SEMA5B: variants seen among roughly 807,000 people sequenced by gnomAD.
SEMA5B encodes semaphorin-5B.
A neutral mutation model predicts 135.0 loss-of-function variants in SEMA5B; 66 were observed. The ratio of observed to expected loss-of-function variants is 0.49; its 90% confidence interval spans 0.40 to 0.60. SEMA5B has a LOEUF of 0.60. Ranked by LOEUF, SEMA5B falls within the 20% of genes least tolerant of loss-of-function variation. The pLI, the probability that SEMA5B is intolerant of heterozygous loss-of-function variation, is 0.00. For synonymous variants in SEMA5B, 690 were observed against 639.5 expected (o/e 1.08, Z -1.19); for missense variants, 1,501 against 1,566.3 (o/e 0.96, Z 0.70).
intron 1 of SEMA5B, among the ~76,000 whole-genome samples, chr3:122,991,964 C>G (rs549167418): frequency 6.6e-6 from 1 of 152,238 alleles, no homozygotes; most frequent in Admixed American, 6.5e-5. Flanking sequence ...GCTGAGAACC[C>G]GTTACGGATA....
chr3:123,014,952 G>C (rs1348428952), intron 1 of SEMA5B, among the ~76,000 whole-genome samples: 4 of 152,202 alleles, frequency 2.6e-5, no homozygotes, highest in Admixed American at 2.6e-4. Context: ...AACCCAATAT[G>C]ACTGGTGTCC....
intron 9 of SEMA5B, among the ~76,000 whole-genome samples, chr3:122,924,564 A>T (rs1938530652): frequency 6.6e-6 from 1 of 151,850 alleles, no homozygotes. Flanking sequence ...CCTGTCAATA[A>T]TTTCTCCTTG....
chr3:122,912,902 C>T lies in SEMA5B; in HGVS notation c.2666G>A (p.Gly889Asp). Residue 889 changes from glycine to aspartate, a missense_variant, in exon 18 of 23, where the codon GGC becomes GAC. This residue lies in a region of SEMA5B where 927 missense variants were observed against 881.6 expected (regional missense o/e 1.05). Transcript: ENST00000357599. ...TCTNPEPRNG[G>D]LPCVGDAAEY... ...GGCAGCATCGCCCACGCAGGGCAGG[C>T]CCCCGTTGCGGGGCTCCGGGTTAGT... 3.1e-6 allele frequency: 5 copies of T among 1,611,120 alleles called. No individual in the cohort carries two copies. The highest frequency in any genetic ancestry group is 1.3e-5 in the African/African-American group (1 of 74,828).
Position 122,909,814 on chromosome 3 carries a change from G to A in SEMA5B, c.*329C>T. 4.4e-6 allele frequency: 1 copy of A among 229,024 alleles called. No individual in the cohort carries two copies. Among genetic ancestry groups the A allele is most frequent in the Non-Finnish European group, 8.4e-6 (1 of 118,492 alleles). 14.2% of individuals were successfully genotyped at this position (229,024 alleles called of 1,614,324 possible). The stretch of plus-strand genomic sequence containing the variant: ...CCCAAACTTAAAAGCCTGCCCTCTT[G>A]CCATCTCCATTCTCCAATTCCTCAA... On this transcript the variant is annotated 3_prime_UTR_variant, in exon 23 of 23. Coordinates refer to ENST00000357599, the MANE Select transcript of SEMA5B (RefSeq NM_001031702.4).
rs150241824 is a variant in SEMA5B, at chr3:122,957,846, C to G, written c.124+3294G>C. 1.1e-3 allele frequency among the ~76,000 whole-genome samples: 169 copies of G among 152,380 alleles called. 1 individual carries two copies. The highest frequency in any genetic ancestry group is 2.1e-3 in the Non-Finnish European group (143 of 68,034). ...CTCACCATCCTCCCTGGAGGACAAACTGGCCCCAGCCTTATCGTTGCATTC... is the reference window on the plus strand; with the variant it reads ...CTCACCATCCTCCCTGGAGGACAAAGTGGCCCCAGCCTTATCGTTGCATTC... On this transcript the variant is annotated intron_variant, in intron 2 of 22. Coordinates refer to ENST00000357599, the MANE Select transcript of SEMA5B (RefSeq NM_001031702.4).
intron 1 of SEMA5B, among the ~76,000 whole-genome samples, chr3:123,021,679 A>T (rs1269514173): frequency 6.6e-6 from 1 of 152,252 alleles, no homozygotes; most frequent in East Asian, 1.9e-4. Flanking sequence ...CCATTTCCCT[A>T]AAGTTGCCTC....
chr3:123,024,795 T>C (rs1313493006), intron 1 of SEMA5B, among the ~76,000 whole-genome samples: 1 of 151,170 alleles, frequency 6.6e-6, no homozygotes. Flanking sequence ...TCTTTATCTA[T>C]AGATATAAGG....
At position 122,939,434 on chromosome 3, in the gene SEMA5B, A is replaced by G. The variant is rs1314874890; in HGVS notation, c.465T>C (p.Ser155=). The part of the protein sequence containing the change: ...YLFRLSLANV[S]LLQATEWASS... ...AAGAAAGCAATCGTACCTGAAGAAG[A>G]GAGACATTGGCAAGGCTGAGTCTGA... The change falls in exon 5 of 23, where the codon TCT becomes TCC. Residue 155 remains serine (S), a synonymous_variant. Transcript: ENST00000357599. 22 of 1,611,288 alleles carry G rather than the reference A, an allele frequency of 1.4e-5. No homozygotes were observed. Among genetic ancestry groups the G allele is most frequent in the Non-Finnish European group, 1.8e-5 (21 of 1,177,476 alleles).
chr3:122,928,600 A>G lies in SEMA5B; in HGVS notation c.553T>C (p.Tyr185His). Residue 185 changes from tyrosine (Y) to histidine (H), a missense_variant, in exon 7 of 23, where the codon TAC becomes CAC. By Grantham distance (83) the Tyr-to-His change is moderately conservative (BLOSUM62 2). This residue lies in a region of SEMA5B where 574 missense variants were observed against 684.7 expected (regional missense o/e 0.84). Coordinates refer to ENST00000357599, the MANE Select transcript of SEMA5B (RefSeq NM_001031702.4). ...CCGGCGACGATCAGGACTCGCACGT[A>G]GTTCTGACACTCCTCCTGAGGCAGG... ...KGKTEEECQNYVRVLIVAGRK... is the reference protein window; with the variant it reads ...KGKTEEECQNHVRVLIVAGRK... 6.4e-7 allele frequency: 1 copy of G among 1,556,988 alleles called. No homozygotes were observed. The highest frequency in any genetic ancestry group is 8.7e-7 in the Non-Finnish European group (1 of 1,149,740).
chr3:122,981,515 C>G (rs2107681636), intron 1 of SEMA5B, among the ~76,000 whole-genome samples: 1 of 152,354 alleles, frequency 6.6e-6, no homozygotes, highest in East Asian at 1.9e-4. Flanking sequence ...CTATGAGAGT[C>G]AGATCTAACT....
At chr3:123,006,681 G>A (rs543805573) in intron 1 of SEMA5B, among the ~76,000 whole-genome samples, 3 of 152,288 alleles carry the variant, frequency 2.0e-5, no homozygotes, top group South Asian at 2.1e-4. Flanking sequence ...AGCCAGGATG[G>A]CAATTGGGCT....
Position 122,943,557 on chromosome 3 carries a change from C to T in SEMA5B, c.329-22G>A, listed in dbSNP as rs369596122. The T allele has an allele frequency of 9.2e-5, 142 of 1,538,710 alleles. 2 individuals are homozygous for T. Among genetic ancestry groups the T allele is most frequent in the South Asian group, 6.5e-4 (56 of 86,198 alleles). ...AGGTCTGGTGGAGGGAGAGGCAACC[C>T]TGTGGTTACTGTTGGGCCAGAGGCT... On this transcript the variant is annotated intron_variant, in intron 3 of 22. Coordinates refer to ENST00000357599, the MANE Select transcript of SEMA5B (RefSeq NM_001031702.4).
chr3:122,998,086 T>C (rs144635435), intron 1 of SEMA5B, among the ~76,000 whole-genome samples: 301 of 152,288 alleles, frequency 2.0e-3, no homozygotes, highest in African/African-American at 6.9e-3. Flanking sequence ...CCTGTCAAGA[T>C]GCTGAGGAGC....
Position 122,972,195 on chromosome 3 carries a change from C to T in SEMA5B, c.-38-10894G>A, listed in dbSNP as rs113719843. 1.4e-3 allele frequency among the ~76,000 whole-genome samples: 208 copies of T among 152,266 alleles called. 1 individual carries two copies. Among genetic ancestry groups the T allele is most frequent in the African/African-American group, 4.6e-3 (192 of 41,554 alleles). On this transcript the variant is annotated intron_variant, in intron 1 of 22. Transcript: ENST00000357599. ...CTGTCTGTGGTGACAAGGAATAGGC[C>T]GACAGTTGGTGAAAGCTCTCTCTAA...
rs1224192069 is a variant in SEMA5B at position 122,943,503 on chromosome 3, G to A, written c.361C>T (p.Pro121Ser). 1 of 1,610,046 alleles carries A rather than the reference G, an allele frequency of 6.2e-7. No homozygotes were observed. Among genetic ancestry groups the A allele is most frequent in the Admixed American group, 1.7e-5 (1 of 59,478 alleles). Residue 121 changes from proline (P) to serine (S), a missense_variant, in exon 4 of 23, where the codon CCT (proline) becomes TCT (serine). Pro to Ser is a moderately conservative substitution (Grantham distance 74, BLOSUM62 -1). This residue lies in a region of SEMA5B where 574 missense variants were observed against 684.7 expected (regional missense o/e 0.84). Transcript: ENST00000357599. The stretch of plus-strand genomic sequence containing the variant: ...AGCTGGGAGAAATCCCGGGCTCCAG[G>A]GTAGGTGAAGTTAGAGACCCACGGC... The part of the protein sequence containing the change: ...LQPWVSNFTY[P>S]GARDFSQLAL...
Position 122,913,622 on chromosome 3 carries a change from CA to C in SEMA5B, c.2191del (p.Trp731GlyfsTer55). The C allele has an allele frequency of 6.2e-7, 1 of 1,613,540 alleles. No homozygotes were observed. The highest frequency in any genetic ancestry group is 8.5e-7 in the Non-Finnish European group (1 of 1,179,978). ...TCCACAGTTGCTGCTGCACTTGCTCCAGGAGCCCCAGGAAGCCCAGAAGATG... is the reference window on the plus strand; with the variant it reads ...TCCACAGTTGCTGCTGCACTTGCTCCGGAGCCCCAGGAAGCCCAGAAGATG... ...VPIFWASWGS[W>X]SKCSSNCGGG... On this transcript the variant is annotated frameshift_variant, in exon 16 of 23. Transcript: ENST00000357599. LOFTEE classifies it high-confidence loss of function.
At position 122,911,929 on chromosome 3, in the gene SEMA5B, C is replaced by T. The variant is rs1453247310; in HGVS notation, c.3037G>A (p.Glu1013Lys). The change falls in exon 20 of 23, where the codon GAG becomes AAG. Residue 1013 changes from glutamate to lysine, a missense_variant. This residue lies in a region of SEMA5B where 927 missense variants were observed against 881.6 expected (regional missense o/e 1.05). Transcript: ENST00000357599. The stretch of plus-strand genomic sequence containing the variant: ...TGGCAGGGGTACCTACCGGGAATCT[C>T]GCTGTAGGGGCAGGGGCGGCTCTGG... Reference protein sequence around the residue: ...SSQSRPCPYSEIPVILPASSM... With the variant: ...SSQSRPCPYSKIPVILPASSM... The T allele has an allele frequency of 6.9e-6, 11 of 1,598,160 alleles. No individual in the cohort carries two copies. The highest frequency in any genetic ancestry group is 4.4e-5 in the South Asian group (4 of 90,084).
chr3:122,935,682 C>CTTTTTTTTTTTTTTTTTTTT (rs1402707939), intron 5 of SEMA5B, among the ~76,000 whole-genome samples: 4 of 70,752 alleles, frequency 5.7e-5, no homozygotes, highest in Admixed American at 1.8e-4. Context: ...CTTTTTCTTT[C>CTTTTTTTTTTTTTTTTTTTT]TTTCTTTTTT....
At chr3:123,022,443 C>T (rs562937161) in intron 1 of SEMA5B, among the ~76,000 whole-genome samples, 14 of 152,306 alleles carry the variant, frequency 9.2e-5, no homozygotes, top group South Asian at 6.2e-4. Context: ...AGTGTCATGG[C>T]GGGATTCAGC....
Sources: allele counts gnomAD v4.1 joint callset (sites outside exome capture counted in the v4.1 genomes callset), GRCh38; gene constraint gnomAD v4.1.1; regional missense constraint gnomAD v4.1.1; transcripts MANE v1.5; gene names NCBI Gene and HGNC (gene_info 2026-07-23, HGNC 2026-07-21).